The following STX8 variants were observed in gnomAD, a reference collection of about 807,000 sequenced individuals.
The protein encoded by STX8 is syntaxin 8.
Under a neutral mutation model 37.5 loss-of-function variants are expected in STX8, and 23 were observed. The observed-to-expected ratio is 0.61, with a 90% confidence interval of 0.44 to 0.87. The LOEUF is 0.87. Ranked by LOEUF, STX8 falls within the 40% of genes least tolerant of loss-of-function variation. The pLI is 0.00. For missense variants in STX8, 313 were observed against 284.7 expected, an observed-to-expected ratio of 1.10 and a Z score of -0.71; for synonymous variants, 115 against 99.1, an observed-to-expected ratio of 1.16 and a Z score of -0.95.
At chr17:9,362,840 AAAAT>A (rs1555601153) in intron 7 of STX8, among the ~76,000 whole-genome samples, 211 of 115,304 alleles carry the variant, frequency 1.8e-3, no homozygotes, top group Middle Eastern at 8.5e-3. Context: ...AAAAAAAAAA[AAAAT>A]AAATAAATAA....
At chr17:9,533,489 G>T (rs927395777) in intron 4 of STX8, among the ~76,000 whole-genome samples, 1 of 152,038 alleles carries the variant, frequency 6.6e-6, no homozygotes, top group Non-Finnish European at 1.5e-5. Context: ...CAAAAAAACC[G>T]CTTGCACTTC....
At chr17:9,445,413 G>A (rs1417773036) in intron 6 of STX8, among the ~76,000 whole-genome samples, 1 of 150,440 alleles carries the variant, frequency 6.6e-6, no homozygotes, top group Admixed American at 6.7e-5. Flanking sequence ...ACCACTCAGA[G>A]GTAGACAGTC....
intron 4 of STX8, among the ~76,000 whole-genome samples, chr17:9,518,137 A>C (rs1905209894): frequency 6.6e-6 from 1 of 152,054 alleles, no homozygotes; most frequent in Admixed American, 6.6e-5. Flanking sequence ...TTTCTCTCCT[A>C]TTTGCAGCCA....
chr17:9,554,446 C>T (rs1163315126), intron 3 of STX8: 1 of 152,092 alleles, frequency 6.6e-6, no homozygotes, highest in African/African-American at 2.4e-5. Context: ...TATTAGGACT[C>T]ATAGATTGCT....
intron 7 of STX8, among the ~76,000 whole-genome samples, chr17:9,328,338 AAGAGCAGG>A (rs1411585645): frequency 6.6e-6 from 1 of 152,096 alleles, no homozygotes. Flanking sequence ...GAAGAAAAAG[AAGAGCAGG>A]AGAGGGTCAG....
At chr17:9,509,500 G>T (rs1904954584) in intron 4 of STX8, among the ~76,000 whole-genome samples, 1 of 152,018 alleles carries the variant, frequency 6.6e-6, no homozygotes, top group East Asian at 1.9e-4. Context: ...AAAAACGAAG[G>T]TAATCCATCA....
intron 6 of STX8, among the ~76,000 whole-genome samples, chr17:9,414,168 G>A (rs1345790795): frequency 4.3e-5 from 4 of 92,172 alleles, no homozygotes; most frequent in Non-Finnish European, 6.9e-5. Flanking sequence ...GAAAGCAAAT[G>A]CCAGCATCCA....
At chr17:9,408,493 A>G (rs1912872197) in intron 6 of STX8, among the ~76,000 whole-genome samples, 1 of 152,144 alleles carries the variant, frequency 6.6e-6, no homozygotes, top group Non-Finnish European at 1.5e-5. Context: ...CCTAGTGTGG[A>G]TTTTTAGCCA....
intron 3 of STX8, among the ~76,000 whole-genome samples, chr17:9,549,504 T>A (rs1906679690): frequency 6.6e-6 from 1 of 152,218 alleles, no homozygotes; most frequent in Admixed American, 6.5e-5. Flanking sequence ...CTTTCAACCC[T>A]AGCTCATGGC....
At chr17:9,291,688 C>T (rs990859195) in intron 7 of STX8, among the ~76,000 whole-genome samples, 2 of 152,120 alleles carry the variant, frequency 1.3e-5, no homozygotes, top group African/African-American at 2.4e-5. Context: ...TTATTGTAAA[C>T]TACCCATGTC....
intron 7 of STX8, among the ~76,000 whole-genome samples, chr17:9,362,840 A>AAT (rs1555601152): frequency 8.7e-6 from 1 of 115,442 alleles, no homozygotes; most frequent in Non-Finnish European, 2.0e-5. Flanking sequence ...AAAAAAAAAA[A>AAT]AAATAAATAA....
chr17:9,450,616 A>C (rs1567566366), intron 6 of STX8, among the ~76,000 whole-genome samples: 1 of 151,728 alleles, frequency 6.6e-6, no homozygotes, highest in Middle Eastern at 3.4e-3. Flanking sequence ...ACCGATGTTC[A>C]TAGGCACATT....
At chr17:9,288,452 G>A (rs1230803659) in intron 7 of STX8, among the ~76,000 whole-genome samples, 1 of 151,864 alleles carries the variant, frequency 6.6e-6, no homozygotes, top group Non-Finnish European at 1.5e-5. Flanking sequence ...ACGAGATCAA[G>A]AGATCGAGAC....
chr17:9,385,644 T>C (rs1369986043), intron 6 of STX8, among the ~76,000 whole-genome samples: 1 of 152,204 alleles, frequency 6.6e-6, no homozygotes, highest in Non-Finnish European at 1.5e-5. Flanking sequence ...GTGTGCAAAC[T>C]AAAGACTTAC....
chr17:9,510,625 C>T (rs1271137351), intron 4 of STX8, among the ~76,000 whole-genome samples: 1 of 151,946 alleles, frequency 6.6e-6, no homozygotes, highest in African/African-American at 2.4e-5. Flanking sequence ...AAAAGTAGTA[C>T]TATGAGGCAA....
chr17:9,260,882 AAC>A (rs1906996819), intron 7 of STX8, among the ~76,000 whole-genome samples: 1 of 152,222 alleles, frequency 6.6e-6, no homozygotes, highest in Non-Finnish European at 1.5e-5. Context: ...GCTCTGCAGG[AAC>A]ACAGAAACGT....
chr17:9,273,002 G>A (rs539778484), intron 7 of STX8, among the ~76,000 whole-genome samples: 1 of 152,352 alleles, frequency 6.6e-6, no homozygotes, highest in South Asian at 2.1e-4. Context: ...AGCCTGGCTA[G>A]AATGCGAAGC....
intron 6 of STX8, among the ~76,000 whole-genome samples, chr17:9,395,858 G>A (rs903703983): frequency 2.0e-5 from 3 of 152,250 alleles, no homozygotes; most frequent in African/African-American, 7.2e-5. Flanking sequence ...CCTCCCAGAT[G>A]ACCCAGAATA....
intron 6 of STX8, among the ~76,000 whole-genome samples, chr17:9,491,408 T>C (rs1174120880): frequency 6.6e-6 from 1 of 152,112 alleles, no homozygotes; most frequent in African/African-American, 2.4e-5. Flanking sequence ...CATCAAACCC[T>C]GAACAAAGAT....
Sources: gnomAD v4.1 joint callset for allele counts (sites outside exome capture counted in the v4.1 genomes callset) on GRCh38, gnomAD v4.1.1 for gene constraint, MANE v1.5 for transcripts, NCBI Gene and HGNC (gene_info 2026-07-23, HGNC 2026-07-21) for gene names.